SCAPER: variants seen among roughly 807,000 people sequenced by gnomAD.
SCAPER encodes S phase cyclin A-associated protein in the endoplasmic reticulum.
A neutral mutation model predicts 182.2 loss-of-function variants in SCAPER; 98 were observed. That is an observed-to-expected ratio of 0.54 (90% CI 0.46 to 0.64). SCAPER has a LOEUF of 0.64. Ranked by LOEUF, SCAPER falls within the 30% of genes least tolerant of loss-of-function variation. The pLI is 0.00. For missense variants in SCAPER, 1,432 were observed against 1,690.0 expected (o/e 0.85, Z 2.68); for synonymous variants, 605 against 564.6 (o/e 1.07, Z -1.01).
intron 26 of SCAPER, among the ~76,000 whole-genome samples, chr15:76,405,107 C>A (rs1307328609): frequency 2.2e-5 from 3 of 134,468 alleles, no homozygotes; most frequent in Non-Finnish European, 3.1e-5. Context: ...TTACAACTTA[C>A]ACTTTTTTTT....
intron 22 of SCAPER, among the ~76,000 whole-genome samples, chr15:76,599,209 T>A (rs1283583222): frequency 2.5e-5 from 3 of 120,772 alleles, no homozygotes; most frequent in African/African-American, 7.6e-5. Context: ...AAATAAAATT[T>A]AAAAATGCCA....
intron 8 of SCAPER, among the ~76,000 whole-genome samples, chr15:76,788,987 T>C (rs1365773792): frequency 6.6e-6 from 1 of 152,140 alleles, no homozygotes. Context: ...CTTTTTTCAA[T>C]CCATTCCCCT....
At chr15:76,415,078 A>T (rs1158805268) in intron 26 of SCAPER, among the ~76,000 whole-genome samples, 1 of 152,226 alleles carries the variant, frequency 6.6e-6, no homozygotes, top group African/African-American at 2.4e-5. Context: ...CAGTGTAATG[A>T]AGACGACAAA....
chr15:76,399,287 G>A (rs963269158), intron 27 of SCAPER, among the ~76,000 whole-genome samples: 2 of 152,030 alleles, frequency 1.3e-5, no homozygotes, highest in Non-Finnish European at 2.9e-5. Context: ...ACAGGTGCCT[G>A]CCACCACTCT....
chr15:76,595,863 A>C lies in SCAPER; in HGVS notation c.2712-21579T>G, dbSNP rs754755207. Among the ~76,000 whole-genome samples, 17 of 122,306 alleles carry C rather than the reference A, an allele frequency of 1.4e-4. 6 individuals carry two copies. Among genetic ancestry groups the C allele is most frequent in the Non-Finnish European group, 3.2e-4 (16 of 50,348 alleles). The allele number at this position is 122,306 out of a possible 152,430, so 80.2% of individuals were successfully genotyped here. ...CTAAATGCCCACAGGAGAAAGCAGGAAAGATCTAAAATCAACACCCTAACA... is the reference window on the plus strand; with the variant it reads ...CTAAATGCCCACAGGAGAAAGCAGGCAAGATCTAAAATCAACACCCTAACA... On this transcript the variant is annotated intron_variant, in intron 22 of 31. Coordinates refer to ENST00000563290, the MANE Select transcript of SCAPER (RefSeq NM_020843.4).
chr15:76,713,284 T>C (rs950982814), intron 17 of SCAPER, among the ~76,000 whole-genome samples: 9 of 152,020 alleles, frequency 5.9e-5, no homozygotes, highest in Non-Finnish European at 1.3e-4. Flanking sequence ...ACTGAGTATA[T>C]ACCCAAAGGA....
At chr15:76,773,366 C>T (rs2063571914) in intron 9 of SCAPER, among the ~76,000 whole-genome samples, 1 of 151,814 alleles carries the variant, frequency 6.6e-6, no homozygotes, top group African/African-American at 2.4e-5. Context: ...CCTGAAATCT[C>T]AATAGCATAT....
intron 23 of SCAPER, among the ~76,000 whole-genome samples, chr15:76,516,137 T>C (rs765568359): frequency 6.6e-6 from 1 of 151,906 alleles, no homozygotes; most frequent in African/African-American, 2.4e-5. Flanking sequence ...TTTTTTGCGT[T>C]ATTCTTAGGG....
intron 8 of SCAPER, among the ~76,000 whole-genome samples, chr15:76,794,008 T>C (rs2065163659): frequency 2.0e-5 from 3 of 152,240 alleles, no homozygotes; most frequent in Admixed American, 6.5e-5. Flanking sequence ...ACATACTTCA[T>C]GGTGATCAGA....
intron 24 of SCAPER, chr15:76,472,236 G>A (rs1431852110): frequency 1.8e-6 from 1 of 545,360 alleles, no homozygotes; most frequent in Non-Finnish European, 3.6e-6. Flanking sequence ...CCCTGCAAAG[G>A]AGAGAGAGGA....
intron 20 of SCAPER, among the ~76,000 whole-genome samples, chr15:76,668,430 T>C (rs756759089): frequency 2.0e-4 from 31 of 152,214 alleles, no homozygotes; most frequent in African/African-American, 6.8e-4. Flanking sequence ...GGCTGAGTCA[T>C]TGATCTCTCT....
At chr15:76,573,652 T>C (rs1050611143) in intron 23 of SCAPER, among the ~76,000 whole-genome samples, 3 of 152,122 alleles carry the variant, frequency 2.0e-5, no homozygotes, top group Non-Finnish European at 2.9e-5. Context: ...ATTTCTTCTT[T>C]GTACGTTTAA....
chr15:76,568,856 T>C (rs1046473393), intron 23 of SCAPER, among the ~76,000 whole-genome samples: 4 of 152,054 alleles, frequency 2.6e-5, no homozygotes, highest in Admixed American at 6.6e-5. Flanking sequence ...ATAAACATTA[T>C]AGATTTACTC....
intron 24 of SCAPER, among the ~76,000 whole-genome samples, chr15:76,472,723 G>C (rs897633100): frequency 6.6e-6 from 1 of 152,134 alleles, no homozygotes; most frequent in African/African-American, 2.4e-5. Flanking sequence ...AGGGTCATAG[G>C]TCACTAATAG....
chr15:76,543,532 C>T (rs746790338), intron 23 of SCAPER, among the ~76,000 whole-genome samples: 1 of 152,100 alleles, frequency 6.6e-6, no homozygotes, highest in African/African-American at 2.4e-5. Flanking sequence ...TGCATGTTAC[C>T]CCTAACTCCT....
chr15:76,591,954 G>A (rs996200786), intron 22 of SCAPER, among the ~76,000 whole-genome samples: 1 of 152,116 alleles, frequency 6.6e-6, no homozygotes, highest in Non-Finnish European at 1.5e-5. Context: ...CAGCTACTTG[G>A]GGGGCTGAGG....
At chr15:76,438,832 T>C (rs571182730) in intron 25 of SCAPER, among the ~76,000 whole-genome samples, 1 of 152,336 alleles carries the variant, frequency 6.6e-6, no homozygotes, top group African/African-American at 2.4e-5. Flanking sequence ...TTCATTTAGA[T>C]TGGCCCTTTC....
intron 5 of SCAPER, among the ~76,000 whole-genome samples, chr15:76,829,789 C>T (rs868060407): frequency 9.9e-5 from 15 of 152,268 alleles, no homozygotes; most frequent in Admixed American, 9.2e-4. Flanking sequence ...CCATTCAACA[C>T]GTATTTACTG....
intron 25 of SCAPER, among the ~76,000 whole-genome samples, chr15:76,441,168 G>A (rs529428712): frequency 2.0e-5 from 3 of 151,722 alleles, no homozygotes; most frequent in Non-Finnish European, 2.9e-5. Flanking sequence ...TGATCCACCC[G>A]CCTTGGCCTC....
Sources: allele counts gnomAD v4.1 joint callset (sites outside exome capture counted in the v4.1 genomes callset), GRCh38; gene constraint gnomAD v4.1.1; transcripts MANE v1.5; gene names NCBI Gene and HGNC (gene_info 2026-07-23, HGNC 2026-07-21).